The following SHC4 variants were observed in gnomAD, a reference collection of about 807,000 sequenced individuals.
SHC4 encodes SHC adaptor protein 4.
In SHC4, 41 loss-of-function variants were observed where a neutral mutation model predicts 69.4. The ratio of observed to expected loss-of-function variants is 0.59; its 90% confidence interval spans 0.46 to 0.77. The LOEUF (loss-of-function observed/expected upper bound fraction) is 0.77, where lower values mean the gene tolerates loss of function less well. Among genes scored for constraint, SHC4 ranks in the 30% least tolerant of loss-of-function variants. The probability of loss-of-function intolerance (pLI) is 0.00; values close to 1 mark genes in which losing one functional copy is unlikely to be tolerated. For missense variants in SHC4, 777 were observed against 783.8 expected (o/e 0.99, Z 0.10); for synonymous variants, 318 against 299.3 (o/e 1.06, Z -0.64).
intron 5 of SHC4, among the ~76,000 whole-genome samples, chr15:48,870,770 T>A (rs1272984824): frequency 6.6e-6 from 1 of 152,196 alleles, no homozygotes; most frequent in Non-Finnish European, 1.5e-5. Context: ...GAAGTGTTTT[T>A]AAGAATTGGC....
intron 4 of SHC4, among the ~76,000 whole-genome samples, chr15:48,880,410 C>T (rs1019716890): frequency 6.6e-6 from 1 of 152,128 alleles, no homozygotes; most frequent in Non-Finnish European, 1.5e-5. Flanking sequence ...TAATTAATTG[C>T]ATGGATGATG....
chr15:48,834,678 A>G, intron 11 of SHC4, 91 bp downstream of exon 11: 9 of 1,527,086 alleles, frequency 5.9e-6, no homozygotes, highest in Non-Finnish European at 8.0e-6. Flanking sequence ...CTTAGCCTTG[A>G]GCACTATTCA....
Position 48,904,725 on chromosome 15 carries a change from A to C in SHC4, c.657-13914T>G, listed in dbSNP as rs530415610. Among the ~76,000 whole-genome samples the C allele has an allele frequency of 5.4e-3, 814 of 152,106 alleles. 5 individuals carry two copies. Among genetic ancestry groups the C allele is most frequent in the Non-Finnish European group, 8.3e-3 (566 of 67,978 alleles). On this transcript the variant is annotated intron_variant, in intron 2 of 11. Coordinates refer to ENST00000332408, the MANE Select transcript of SHC4 (RefSeq NM_203349.4). ...AGACCTCATCTCCACACACACACAC[A>C]AAAAAATGTAATTAGCCAAATGTGG... is the stretch of plus-strand genomic sequence containing the variant.
At chr15:48,829,040 T>G (rs1026570437) in intron 11 of SHC4, among the ~76,000 whole-genome samples, 1 of 152,208 alleles carries the variant, frequency 6.6e-6, no homozygotes, top group Admixed American at 6.5e-5. Flanking sequence ...ACTTCTCTAG[T>G]GTCCCTTTTG....
chr15:48,946,965 C>T (rs1014753211), intron 1 of SHC4, among the ~76,000 whole-genome samples: 4 of 152,072 alleles, frequency 2.6e-5, no homozygotes, highest in Middle Eastern at 3.4e-3. Flanking sequence ...CCTGAGAGTC[C>T]GGTATTATGT....
intron 1 of SHC4, among the ~76,000 whole-genome samples, chr15:48,929,263 G>C (rs2141027078): frequency 6.6e-6 from 1 of 152,302 alleles, no homozygotes; most frequent in Middle Eastern, 3.4e-3. Flanking sequence ...CGAGAGAGGA[G>C]AAGTTTAGTT....
In SHC4 at chr15:48,888,811, GT is replaced by G. The variant is rs557149963; in HGVS notation, c.720+1936del. Among the ~76,000 whole-genome samples, 120 of 144,128 alleles carry G rather than the reference GT, an allele frequency of 8.3e-4. 2 individuals are homozygous for G. The highest frequency in any genetic ancestry group is 3.0e-3 in the African/African-American group (118 of 38,994). The allele number at this position is 144,128 out of a possible 152,430, so 94.6% of individuals were successfully genotyped here. A position where few individuals can be genotyped will look rare whatever the true frequency, so the allele number is the denominator to read the frequency against. ...TCGGGAGGCTGAGGCATTGAGAATC[GT>G]TTGAACCCCCAGGAGGCAGAGGTTG... On this transcript the variant is annotated intron_variant, in intron 3 of 11. Coordinates refer to ENST00000332408, the MANE Select transcript of SHC4 (RefSeq NM_203349.4).
At chr15:48,854,916 T>C (rs1345757161) in intron 8 of SHC4, among the ~76,000 whole-genome samples, 1 of 152,176 alleles carries the variant, frequency 6.6e-6, no homozygotes, top group East Asian at 1.9e-4. Flanking sequence ...CTCAGCATCA[T>C]GCGATATGTT....
At chr15:48,914,883 A>G (rs1900587141) in intron 2 of SHC4, among the ~76,000 whole-genome samples, 1 of 152,132 alleles carries the variant, frequency 6.6e-6, no homozygotes, top group Non-Finnish European at 1.5e-5. Flanking sequence ...ATCTTCCCCA[A>G]CTGAAACTCT....
chr15:48,909,867 G>C (rs1410670726), intron 2 of SHC4, among the ~76,000 whole-genome samples: 1 of 152,028 alleles, frequency 6.6e-6, no homozygotes, highest in Non-Finnish European at 1.5e-5. Flanking sequence ...TTATTGACTT[G>C]TGTATGTTAA....
intron 8 of SHC4, among the ~76,000 whole-genome samples, chr15:48,855,709 C>T (rs1472208757): frequency 4.6e-5 from 7 of 151,986 alleles, no homozygotes; most frequent in Non-Finnish European, 8.8e-5. Flanking sequence ...CTGAGGATAA[C>T]ATGTTGGATC....
chr15:48,836,787 G>A (rs538546127), intron 10 of SHC4, among the ~76,000 whole-genome samples: 2 of 152,104 alleles, frequency 1.3e-5, no homozygotes, highest in Non-Finnish European at 2.9e-5. Context: ...TTATAGTTTT[G>A]TCCCTACTTG....
At chr15:48,911,254 G>A (rs1900503259) in intron 2 of SHC4, among the ~76,000 whole-genome samples, 1 of 152,066 alleles carries the variant, frequency 6.6e-6, no homozygotes, top group Non-Finnish European at 1.5e-5. Flanking sequence ...TCCAGTGTTA[G>A]GTTCATATAT....
chr15:48,926,341 G>T (rs1044387398), intron 1 of SHC4, among the ~76,000 whole-genome samples: 1 of 152,172 alleles, frequency 6.6e-6, no homozygotes, highest in Non-Finnish European at 1.5e-5. Context: ...TCCCTGTTTA[G>T]CTTTCCTTTG....
At chr15:48,857,649 C>T (rs1567054181) in intron 7 of SHC4, 43 bp downstream of exon 7, 24 of 1,458,188 alleles carry the variant, frequency 1.6e-5, no homozygotes, top group Admixed American at 8.2e-5. Context: ...TAAATGCACA[C>T]ATATATATAT....
chr15:48,891,877 C>T (rs528746225), intron 2 of SHC4, among the ~76,000 whole-genome samples: 5 of 152,004 alleles, frequency 3.3e-5, no homozygotes, highest in East Asian at 1.9e-4. Context: ...TGTTTTGAGA[C>T]GGAGTCTCGC....
chr15:48,917,509 T>A lies in SHC4; in HGVS notation c.656+7370A>T, dbSNP rs376234653. On this transcript the variant is annotated intron_variant, in intron 2 of 11. Coordinates refer to ENST00000332408, the MANE Select transcript of SHC4 (RefSeq NM_203349.4). ...CGGCTAGGAAACTTTGTTTTCCTAA[T>A]GATCTTGTTTCTCTTTACTATCAGT... is the stretch of plus-strand genomic sequence containing the variant. 2.0e-4 allele frequency among the ~76,000 whole-genome samples: 30 copies of A among 152,310 alleles called. 1 individual carries two copies. In the South Asian group the frequency reaches 6.0e-3, roughly 31 times the overall value.
At chr15:48,841,575 C>T in intron 10 of SHC4, among the ~76,000 whole-genome samples, 1 of 152,274 alleles carries the variant, frequency 6.6e-6, no homozygotes, top group Non-Finnish European at 1.5e-5. Context: ...ATAAATGGGG[C>T]TATATACGCT....
At chr15:48,937,417 CAA>C (rs1023908461) in intron 1 of SHC4, among the ~76,000 whole-genome samples, 57 of 152,216 alleles carry the variant, frequency 3.7e-4, no homozygotes, top group African/African-American at 1.3e-3. Flanking sequence ...ATGCTGTGCT[CAA>C]GAGTCACAGG....
Sources: allele counts gnomAD v4.1 joint callset (sites outside exome capture counted in the v4.1 genomes callset), GRCh38; gene constraint gnomAD v4.1.1; transcripts MANE v1.5; gene names NCBI Gene and HGNC (gene_info 2026-07-23, HGNC 2026-07-21).